The following CREBBP variants were observed in gnomAD, a reference collection of about 807,000 sequenced individuals.
CREBBP encodes the protein CREB-binding protein.
Under a neutral mutation model 265.0 loss-of-function variants are expected in CREBBP, and 19 were observed. That is an observed-to-expected ratio of 0.07 (90% CI 0.05 to 0.11). The LOEUF is 0.11. Among genes scored for constraint, CREBBP ranks in the 10% least tolerant of loss-of-function variants. The pLI is 1.00. For missense variants in CREBBP, 2,525 were observed against 3,219.0 expected (o/e 0.78, Z 5.22); for synonymous variants, 1,457 against 1,223.7 (o/e 1.19, Z -3.98).
Position 3,774,106 on chromosome 16 carries a change from G to A in CREBBP, c.2284-176C>T, listed in dbSNP as rs371078395. ...ACTTGCTAAGAACTCCCGCGCTCCT[G>A]GGCACCTTACACACTTTCTCAGGCA... On this transcript the variant is annotated intron_variant, in intron 12 of 30. Transcript: ENST00000262367. 6.6e-5 allele frequency among the ~76,000 whole-genome samples: 10 copies of A among 152,272 alleles called. No individual in the cohort carries two copies. In the East Asian group the frequency reaches 9.6e-4, roughly 15 times the overall value.
rs1197502171 is a variant in CREBBP, at chr16:3,879,918, T to G, written c.-2A>C. 1 of 1,611,610 alleles carries G rather than the reference T, an allele frequency of 6.2e-7. No individual in the cohort carries two copies. Among genetic ancestry groups the G allele is most frequent in the East Asian group, 2.2e-5 (1 of 44,732 alleles). ...TCCGTCCAGCAAGTTCTCAGCCATTTTCACCTGCTCGCGAAAACAGCCCCG... is the reference window on the plus strand; with the variant it reads ...TCCGTCCAGCAAGTTCTCAGCCATTGTCACCTGCTCGCGAAAACAGCCCCG... On this transcript the variant is annotated 5_prime_UTR_variant, in exon 1 of 31. Transcript: ENST00000262367.
At chr16:3,869,214 C>A (rs2055242231) in intron 1 of CREBBP, among the ~76,000 whole-genome samples, 1 of 152,164 alleles carries the variant, frequency 6.6e-6, no homozygotes, top group Non-Finnish European at 1.5e-5. Flanking sequence ...AGTCAATGCA[C>A]AGTATGTCCC....
At position 3,767,860 on chromosome 16, in the gene CREBBP, T is replaced by G; in HGVS notation, c.3110A>C (p.Asp1037Ala). The G allele has an allele frequency of 6.2e-7, 1 of 1,614,220 alleles. No homozygotes were observed. Among genetic ancestry groups the G allele is most frequent in the Non-Finnish European group, 8.5e-7 (1 of 1,180,044 alleles). The change falls in exon 16 of 31, where the codon GAC (aspartate) becomes GCC (alanine). Residue 1037 changes from aspartate to alanine, a missense_variant. By Grantham distance (126) the Asp-to-Ala change is moderately radical. This residue lies in a region of CREBBP where 548 missense variants were observed against 533.0 expected (regional missense o/e 1.03). Transcript: ENST00000262367. ...QGASQVKEET[D>A]IAEQKSEPME... ...TGGTTCTGATTTCTGCTCTGCTATG[T>G]CTGTTTCTTCTTTAACTTGGGAAGC...
At chr16:3,838,844 C>A (rs187466794) in intron 2 of CREBBP, among the ~76,000 whole-genome samples, 61 of 152,264 alleles carry the variant, frequency 4.0e-4, no homozygotes, top group African/African-American at 1.4e-3. Flanking sequence ...CCACCAAGCT[C>A]AACAGCTACT....
intron 2 of CREBBP, among the ~76,000 whole-genome samples, chr16:3,839,819 GA>G (rs2054531438): frequency 6.6e-6 from 1 of 150,718 alleles, no homozygotes; most frequent in African/African-American, 2.4e-5. Context: ...AGAAAGAAAG[GA>G]AAGAAAGAAA....
Position 3,850,553 on chromosome 16 carries a change from A to G in CREBBP, c.542T>C (p.Phe181Ser). Residue 181 changes from phenylalanine to serine, a missense_variant, in exon 2 of 31, where the codon TTT becomes TCT. By Grantham distance (155) the Phe-to-Ser change is radical. Around this residue, in one of 19 missense-constraint regions of CREBBP, gnomAD observed 356 missense variants for 340.4 expected, o/e 1.05. Coordinates refer to ENST00000262367, the MANE Select transcript of CREBBP (RefSeq NM_004380.3). ...TGPGICMNAN[F>S]NQTHPGLLNS... is the part of the protein sequence containing the mutation. The stretch of plus-strand genomic sequence containing the variant: ...GAGGAGGCCTGGGTGGGTCTGGTTA[A>G]AGTTAGCATTCATGCAGATACCAGG... 6.2e-7 allele frequency: 1 copy of G among 1,614,220 alleles called. No homozygotes were observed. The highest frequency in any genetic ancestry group is 8.5e-7 in the Non-Finnish European group (1 of 1,180,036).
intron 2 of CREBBP, among the ~76,000 whole-genome samples, chr16:3,825,458 G>C (rs550058665): frequency 1.3e-5 from 2 of 152,140 alleles, no homozygotes; most frequent in African/African-American, 4.8e-5. Flanking sequence ...CCTTGGAATT[G>C]CAATTAGTTG....
intron 16 of CREBBP, among the ~76,000 whole-genome samples, chr16:3,762,545 G>C (rs999965365): frequency 6.6e-6 from 1 of 151,888 alleles, no homozygotes. Flanking sequence ...CATATGTGCA[G>C]AAGTGAAGTC....
At position 3,729,334 on chromosome 16, in the gene CREBBP, G is replaced by C. The variant is rs2151308812; in HGVS notation, c.5713C>G (p.Pro1905Ala). ...QQPSTPQTPQ[P>A]PAQPQPSPVS... ...GGTGAGGGTTGGGGCTGGGCAGGGG[G>C]CTGCGGCGTCTGGGGTGTGCTGGGC... is the stretch of plus-strand genomic sequence containing the variant. The change falls in exon 31 of 31, where the codon CCC (proline) becomes GCC (alanine). Residue 1905 changes from proline to alanine, a missense_variant. By Grantham distance (27) the Pro-to-Ala change is conservative (BLOSUM62 -1). This residue lies in a region of CREBBP where 275 missense variants were observed against 276.5 expected (regional missense o/e 0.99). Coordinates refer to ENST00000262367, the MANE Select transcript of CREBBP (RefSeq NM_004380.3). The C allele has an allele frequency of 2.5e-6, 4 of 1,580,614 alleles. No individual in the cohort carries two copies. The highest frequency in any genetic ancestry group is 3.4e-6 in the Non-Finnish European group (4 of 1,168,464).
intron 2 of CREBBP, chr16:3,840,699 C>A (rs2054548963): frequency 6.3e-6 from 1 of 159,548 alleles, no homozygotes; most frequent in Non-Finnish European, 1.4e-5. Flanking sequence ...TCCCCTCTAC[C>A]AGAAGGCTCA....
chr16:3,792,550 TGAA>T (rs1823645179), intron 4 of CREBBP, among the ~76,000 whole-genome samples: 1 of 152,214 alleles, frequency 6.6e-6, no homozygotes, highest in South Asian at 2.1e-4. Flanking sequence ...GGGCACTTGG[TGAA>T]GAAGTACTCG....
At chr16:3,760,440 T>A (rs1004830077) in intron 16 of CREBBP, among the ~76,000 whole-genome samples, 4 of 129,778 alleles carry the variant, frequency 3.1e-5, no homozygotes, top group Non-Finnish European at 4.8e-5. Flanking sequence ...TCTTGCTCTG[T>A]CACCCAGGCT....
chr16:3,862,058 G>A (rs2055087806), intron 1 of CREBBP, among the ~76,000 whole-genome samples: 1 of 152,190 alleles, frequency 6.6e-6, no homozygotes, highest in African/African-American at 2.4e-5. Flanking sequence ...GGCTGGGTTT[G>A]AGATAGAATA....
Position 3,740,390 on chromosome 16 carries a change from C to G in CREBBP, c.4133+9G>C, listed in dbSNP as rs376602227. ...CTCGCAGAGCACTGTAGAGAGCAGG[C>G]ACACTGACCGTGACTTCATCCCGGG... On this transcript the variant is annotated intron_variant, in intron 24 of 30. Coordinates refer to ENST00000262367, the MANE Select transcript of CREBBP (RefSeq NM_004380.3). 1 of 1,614,120 alleles carries G rather than the reference C, an allele frequency of 6.2e-7. No homozygotes were observed. Among genetic ancestry groups the G allele is most frequent in the Non-Finnish European group, 8.5e-7 (1 of 1,180,018 alleles).
chr16:3,727,782 C>T lies in CREBBP; in HGVS notation c.7265G>A (p.Ser2422Asn), dbSNP rs752612004. The change falls in exon 31 of 31, where the codon AGC (serine) becomes AAC (asparagine). Residue 2422 changes from serine (S) to asparagine (N), a missense_variant. Transcript: ENST00000262367. ...LNTPSRSALS[S>N]ELSLVGDTTG... Reference sequence around the variant, plus strand: ...GGTGTCCCCGACCAGGGACAGTTCGCTGGACAGCGCACTCCTGCTGGGGGT... The same window carrying T: ...GGTGTCCCCGACCAGGGACAGTTCGTTGGACAGCGCACTCCTGCTGGGGGT... 2 of 1,614,206 alleles carry T rather than the reference C, an allele frequency of 1.2e-6. No individual in the cohort carries two copies. Among genetic ancestry groups the T allele is most frequent in the Admixed American group, 1.7e-5 (1 of 60,038 alleles).
intron 3 of CREBBP, among the ~76,000 whole-genome samples, chr16:3,798,231 G>A (rs998741181): frequency 3.3e-5 from 5 of 152,206 alleles, no homozygotes; most frequent in African/African-American, 1.2e-4. Context: ...ACCATTCACA[G>A]AAGAAAACCG....
At chr16:3,764,236 T>A (rs1378376546) in intron 16 of CREBBP, among the ~76,000 whole-genome samples, 3 of 151,652 alleles carry the variant, frequency 2.0e-5, no homozygotes, top group Non-Finnish European at 4.4e-5. Flanking sequence ...CCTCCCAAAG[T>A]CCTTGGATTA....
chr16:3,774,965 G>A (rs1261041288), intron 11 of CREBBP, among the ~76,000 whole-genome samples: 4 of 152,106 alleles, frequency 2.6e-5, no homozygotes, highest in African/African-American at 9.7e-5. Flanking sequence ...GGTAAGACAG[G>A]AACAAGTGAG....
chr16:3,729,216 G>T lies in CREBBP; in HGVS notation c.5831C>A (p.Ala1944Asp), dbSNP rs751146607. Residue 1944 changes from alanine (A) to aspartate (D), a missense_variant, in exon 31 of 31, where the codon GCC becomes GAC. Transcript: ENST00000262367. ...STGKPTSQVP[A>D]PPPPAQPPPA... ...AGGGGGCTGGGCCGGGGGTGGGGGG[G>T]CCGGCACCTGGCTGGTAGGCTTCCC... The T allele has an allele frequency of 8.6e-7, 1 of 1,165,598 alleles. No individual in the cohort carries two copies. The highest frequency in any genetic ancestry group is 1.2e-6 in the Non-Finnish European group (1 of 845,476). 72.2% of individuals were successfully genotyped at this position (1,165,598 alleles called of 1,614,324 possible).
Sources: gnomAD v4.1 joint callset for allele counts (sites outside exome capture counted in the v4.1 genomes callset) on GRCh38, gnomAD v4.1.1 for gene constraint, gnomAD v4.1.1 regional missense constraint, MANE v1.5 for transcripts, NCBI Gene and HGNC (gene_info 2026-07-23, HGNC 2026-07-21) for gene names.